The following CEP85L variants were observed in gnomAD, a reference collection of about 807,000 sequenced individuals.
CEP85L encodes centrosomal protein of 85 kDa-like.
Under a neutral mutation model 100.3 loss-of-function variants are expected in CEP85L, and 60 were observed. That is an observed-to-expected ratio of 0.60 (90% CI 0.49 to 0.74). The LOEUF (loss-of-function observed/expected upper bound fraction) is 0.74. Among genes scored for constraint, CEP85L ranks in the 30% least tolerant of loss-of-function variants. The pLI is 0.00. For synonymous variants in CEP85L, 319 were observed against 322.7 expected, an observed-to-expected ratio of 0.99 and a Z score of 0.12; for missense variants, 973 against 936.2, an observed-to-expected ratio of 1.04 and a Z score of -0.51.
chr6:118,652,198 T>G (rs1348356630), upstream of CEP85L, among the ~76,000 whole-genome samples: 1 of 152,148 alleles, frequency 6.6e-6, no homozygotes, highest in Non-Finnish European at 1.5e-5. Context: ...GCCGTCATTG[T>G]AATCGCACAA....
At chr6:118,567,241 GTGTGTGTGTATATATA>G (rs1371032611) in intron 2 of CEP85L, among the ~76,000 whole-genome samples, 750 of 37,960 alleles carry the variant, frequency 0.02, 4 homozygotes, top group African/African-American at 0.077. Flanking sequence ...GTGTGTGTGT[GTGTGTGTGTATATATA>G]TATATATATA....
At chr6:118,621,577 G>A (rs1367163720) in intron 2 of CEP85L, among the ~76,000 whole-genome samples, 2 of 152,154 alleles carry the variant, frequency 1.3e-5, no homozygotes, top group African/African-American at 4.8e-5. Flanking sequence ...CTTACTTTGG[G>A]CTACCAGTTT....
intron 2 of CEP85L, among the ~76,000 whole-genome samples, chr6:118,606,332 G>C (rs977358621): frequency 1.3e-5 from 2 of 152,196 alleles, no homozygotes; most frequent in Non-Finnish European, 2.9e-5. Context: ...CGGAGGAGAA[G>C]AGAATAGACA....
chr6:118,683,545 C>T (rs147650742), intron 1 of CEP85L, among the ~76,000 whole-genome samples: 3 of 152,300 alleles, frequency 2.0e-5, no homozygotes, highest in Non-Finnish European at 4.4e-5. Flanking sequence ...GATGGAAAAT[C>T]AGTGCAGCAT....
chr6:118,523,598 G>C (rs1776786548), intron 4 of CEP85L, among the ~76,000 whole-genome samples: 1 of 152,142 alleles, frequency 6.6e-6, no homozygotes, highest in Non-Finnish European at 1.5e-5. Context: ...ATGAATAGGA[G>C]GGATGACAGA....
In CEP85L at chr6:118,468,534, A is replaced by T. The variant is rs1772701850; in HGVS notation, c.2254+538T>A. Among the ~76,000 whole-genome samples the T allele has an allele frequency of 2.0e-5, 3 of 152,206 alleles. No homozygotes were observed. The South Asian group carries it at 6.2e-4, about 31-fold the overall frequency. On this transcript the variant is annotated intron_variant, in intron 12 of 12. Coordinates refer to ENST00000368491, the MANE Select transcript of CEP85L (RefSeq NM_001042475.3). ...CCCACAATTATGTGTGGAGGAAGAC[A>T]GAATTGAGGCCAAGAGTGAATGGGT...
intron 5 of CEP85L, among the ~76,000 whole-genome samples, chr6:118,509,933 T>C (rs1163594255): frequency 1.3e-5 from 2 of 152,114 alleles, no homozygotes; most frequent in East Asian, 3.8e-4. Flanking sequence ...TCATAGACTC[T>C]ATATCTGTGT....
chr6:118,685,943 T>C (rs1776815233), intron 1 of CEP85L, among the ~76,000 whole-genome samples: 1 of 151,602 alleles, frequency 6.6e-6, no homozygotes, highest in African/African-American at 2.4e-5. Flanking sequence ...AACCTGAGAG[T>C]TCTGAAAATA....
chr6:118,480,710 T>C (rs1773716597), intron 8 of CEP85L, among the ~76,000 whole-genome samples, 197 bp from the exon 9 acceptor site: 1 of 152,186 alleles, frequency 6.6e-6, no homozygotes, highest in Non-Finnish European at 1.5e-5. Context: ...AGCTAGAGGC[T>C]GATCATCTTT....
At chr6:118,645,311 C>T (rs1775109337) in intron 1 of CEP85L, among the ~76,000 whole-genome samples, 1 of 152,210 alleles carries the variant, frequency 6.6e-6, no homozygotes, top group African/African-American at 2.4e-5. Context: ...ATCTTCTTTT[C>T]CTCTTAGTAC....
Position 118,461,638 on chromosome 6 carries a change from C to G in CEP85L, c.*3767G>C, listed in dbSNP as rs546394500. 2.0e-5 allele frequency: 3 copies of G among 151,786 alleles called. No homozygotes were observed. Among genetic ancestry groups the G allele is most frequent in the Non-Finnish European group, 2.9e-5 (2 of 67,852 alleles). The allele number at this position is 151,786 out of a possible 1,614,324, so 9.4% of individuals were successfully genotyped here. A position where few individuals can be genotyped will look rare whatever the true frequency, so the allele number is the denominator to read the frequency against. On this transcript the variant is annotated 3_prime_UTR_variant, in exon 13 of 13. Coordinates refer to ENST00000368491, the MANE Select transcript of CEP85L (RefSeq NM_001042475.3). ...AAGAAAAAAAATCCAAAATCTTTCC[C>G]ATACATGATTAAATATATGATATAA...
At chr6:118,482,074 A>C (rs1051606598) in intron 7 of CEP85L, 141 bp from the exon 8 acceptor site, 15 of 473,790 alleles carry the variant, frequency 3.2e-5, no homozygotes, top group Non-Finnish European at 4.5e-5. Flanking sequence ...TTTTATCTAG[A>C]GTATTTAATT....
chr6:118,539,261 A>G (rs1041157184), intron 3 of CEP85L, among the ~76,000 whole-genome samples: 1 of 152,184 alleles, frequency 6.6e-6, no homozygotes, highest in Admixed American at 6.6e-5. Context: ...CATTCTTACT[A>G]TATCTTTTCT....
chr6:118,528,102 G>A (rs566238592), intron 3 of CEP85L, among the ~76,000 whole-genome samples: 1 of 152,138 alleles, frequency 6.6e-6, no homozygotes, highest in East Asian at 1.9e-4. Context: ...GGCAACAGAT[G>A]ATGATCTTCT....
intron 4 of CEP85L, among the ~76,000 whole-genome samples, chr6:118,521,009 C>T (rs1199085422): frequency 4.6e-5 from 7 of 152,078 alleles, no homozygotes; most frequent in South Asian, 2.1e-4. Context: ...GAAAGTTATA[C>T]GCAGTGTGAA....
rs145732053 is a variant in CEP85L, at chr6:118,565,630, T to C, written c.919A>G (p.Asn307Asp). The change falls in exon 3 of 13, where the codon AAT becomes GAT. Residue 307 changes from asparagine (N) to aspartate (D), a missense_variant. Asn to Asp is a conservative substitution (Grantham distance 23, BLOSUM62 1). Around this residue, in one of 3 missense-constraint regions of CEP85L, gnomAD observed 890 missense variants for 844.5 expected, o/e 1.05. Coordinates refer to ENST00000368491, the MANE Select transcript of CEP85L (RefSeq NM_001042475.3). The part of the protein sequence containing the change: ...QMWLTEQLRT[N>D]PLEGRNTEDS... ...TCTGTATTTCTACCTTCCAAAGGAT[T>C]TGTCCGCAGCTGCTCTGTAAGCCAC... is the stretch of plus-strand genomic sequence containing the variant. The C allele has an allele frequency of 1.2e-6, 2 of 1,614,216 alleles. No homozygotes were observed. The highest frequency in any genetic ancestry group is 1.3e-5 in the African/African-American group (1 of 75,052).
At chr6:118,565,464 G>A in intron 3 of CEP85L, 65 bp downstream of exon 3, 1 of 1,421,224 alleles carries the variant, frequency 7.0e-7, no homozygotes, top group Non-Finnish European at 9.8e-7. Context: ...TATGCTTACT[G>A]TAAGTGTGCT....
At chr6:118,692,225 T>C (rs1428059262) in intron 1 of CEP85L, among the ~76,000 whole-genome samples, 1 of 152,180 alleles carries the variant, frequency 6.6e-6, no homozygotes, top group African/African-American at 2.4e-5. Flanking sequence ...ACGAATAAGC[T>C]ATGCAATATA....
chr6:118,532,728 G>T (rs1435280197), intron 3 of CEP85L, among the ~76,000 whole-genome samples: 1 of 152,010 alleles, frequency 6.6e-6, no homozygotes, highest in East Asian at 1.9e-4. Context: ...TGATTTTTTG[G>T]ATGGTTTCTA....
Sources: allele counts gnomAD v4.1 joint callset (sites outside exome capture counted in the v4.1 genomes callset), GRCh38; gene constraint gnomAD v4.1.1; regional missense constraint gnomAD v4.1.1; transcripts MANE v1.5; gene names NCBI Gene and HGNC (gene_info 2026-07-23, HGNC 2026-07-21).